The following ZEB2 variants were observed in gnomAD, a reference collection of about 807,000 sequenced individuals.
ZEB2 encodes the protein zinc finger E-box-binding homeobox 2.
A neutral mutation model predicts 99.9 loss-of-function variants in ZEB2; 6 were observed. The ratio of observed to expected loss-of-function variants is 0.06; its 90% CI spans 0.03 to 0.12. The LOEUF (loss-of-function observed/expected upper bound fraction) is 0.12. Ranked by LOEUF, ZEB2 falls within the 10% of genes least tolerant of loss-of-function variation. ZEB2 has a pLI of 1.00. For synonymous variants in ZEB2, 517 were observed against 542.5 expected (o/e 0.95, Z 0.65); for missense variants, 969 against 1,502.8 (o/e 0.64, Z 5.87).
At chr2:144,405,837 T>C (rs1275286084) in intron 4 of ZEB2, among the ~76,000 whole-genome samples, 1 of 152,252 alleles carries the variant, frequency 6.6e-6, no homozygotes, top group Non-Finnish European at 1.5e-5. Flanking sequence ...AACTCAATTT[T>C]AGCAACTTGT....
At chr2:144,453,737 G>A (rs1443502833) in intron 2 of ZEB2, among the ~76,000 whole-genome samples, 3 of 152,146 alleles carry the variant, frequency 2.0e-5, no homozygotes, top group Non-Finnish European at 2.9e-5. Flanking sequence ...AGGAGGAAGG[G>A]CAATCAGTGT....
At chr2:144,447,015 C>CAA (rs200426124) in intron 2 of ZEB2, among the ~76,000 whole-genome samples, 72 of 74,496 alleles carry the variant, frequency 9.7e-4, no homozygotes, top group African/African-American at 2.0e-3. Context: ...GACACTGTTT[C>CAA]AAAAAAAAAA....
chr2:144,452,110 TG>T (rs982411364), intron 2 of ZEB2, among the ~76,000 whole-genome samples: 1 of 152,180 alleles, frequency 6.6e-6, no homozygotes, highest in African/African-American at 2.4e-5. Context: ...GTATCTTTGC[TG>T]ACTAAAGCCT....
chr2:144,448,828 G>C (rs1704019367), intron 2 of ZEB2: 1 of 152,324 alleles, frequency 6.6e-6, no homozygotes, highest in South Asian at 2.1e-4. Context: ...CTCGCAGGCA[G>C]TGGCAATGCC....
intron 4 of ZEB2, among the ~76,000 whole-genome samples, chr2:144,414,900 T>C (rs1022658714): frequency 6.6e-6 from 1 of 151,956 alleles, no homozygotes; most frequent in Non-Finnish European, 1.5e-5. Flanking sequence ...TATTACACCA[T>C]ACAATGAATA....
intron 4 of ZEB2, among the ~76,000 whole-genome samples, chr2:144,418,873 A>T (rs1032617756): frequency 9.9e-5 from 15 of 152,168 alleles, no homozygotes; most frequent in African/African-American, 3.6e-4. Flanking sequence ...GGCACGGTGT[A>T]CACTGCTTGG....
chr2:144,505,087 C>A (rs748470878), intron 2 of ZEB2, among the ~76,000 whole-genome samples: 2 of 150,538 alleles, frequency 1.3e-5, no homozygotes, highest in African/African-American at 2.5e-5. Context: ...GGGGAAAAAA[C>A]GCACACACAA....
At chr2:144,437,478 C>T (rs980294649) in intron 2 of ZEB2, among the ~76,000 whole-genome samples, 17 of 152,186 alleles carry the variant, frequency 1.1e-4, no homozygotes, top group African/African-American at 3.9e-4. Flanking sequence ...GATCATTCAA[C>T]AACTTGCTCT....
intron 2 of ZEB2, among the ~76,000 whole-genome samples, chr2:144,501,608 C>G (rs1371325819): frequency 6.6e-6 from 1 of 151,946 alleles, no homozygotes; most frequent in African/African-American, 2.4e-5. Flanking sequence ...CAGTTAATAC[C>G]AAGATAGGGG....
intron 2 of ZEB2, among the ~76,000 whole-genome samples, chr2:144,435,141 C>T (rs190179427): frequency 6.6e-6 from 1 of 152,064 alleles, no homozygotes; most frequent in South Asian, 2.1e-4. Context: ...TGAACTTGTG[C>T]CAGTCACAAT....
intron 4 of ZEB2, among the ~76,000 whole-genome samples, chr2:144,405,843 C>G (rs750047395): frequency 5.3e-5 from 8 of 152,260 alleles, no homozygotes; most frequent in Non-Finnish European, 1.0e-4. Context: ...ATTTTAGCAA[C>G]TTGTGTCATA....
At chr2:144,512,222 C>T in intron 2 of ZEB2, 1 of 1,287,208 alleles carries the variant, frequency 7.8e-7, no homozygotes, top group Non-Finnish European at 1.0e-6. Flanking sequence ...TAGTGTCTAC[C>T]TTGGGAAGCC....
In ZEB2 at chr2:144,387,981, ACT is replaced by A. The variant is rs745421150; in HGVS notation, c.*1468_*1469del. The A allele has an allele frequency of 7.2e-5, 11 of 152,542 alleles. No individual in the cohort carries two copies. The highest frequency in any genetic ancestry group is 2.4e-4 in the African/African-American group (10 of 41,504). 9.4% of individuals were successfully genotyped at this position (152,542 alleles called of 1,614,324 possible). ...ACATGTTAATGGTCATTGAAGGAAAACTCTCTAAAAGTACAGAACTCATTAAC... is the reference window on the plus strand; with the variant it reads ...ACATGTTAATGGTCATTGAAGGAAAACTCTAAAAGTACAGAACTCATTAAC... On this transcript the variant is annotated 3_prime_UTR_variant, in exon 10 of 10. Coordinates refer to ENST00000627532, the MANE Select transcript of ZEB2 (RefSeq NM_014795.4).
At chr2:144,394,365 C>T (rs1287914023) in intron 9 of ZEB2, 3 of 152,008 alleles carry the variant, frequency 2.0e-5, no homozygotes, top group African/African-American at 7.2e-5. Flanking sequence ...TATGACAGCC[C>T]TCACTAAAAT....
intron 4 of ZEB2, among the ~76,000 whole-genome samples, chr2:144,416,184 C>A (rs1703537643): frequency 1.3e-5 from 2 of 152,108 alleles, no homozygotes; most frequent in African/African-American, 4.8e-5. Flanking sequence ...GACAATCAGG[C>A]CCTGAAAAGT....
At chr2:144,419,586 A>C (rs899214756) in intron 4 of ZEB2, among the ~76,000 whole-genome samples, 1 of 152,224 alleles carries the variant, frequency 6.6e-6, no homozygotes, top group Non-Finnish European at 1.5e-5. Flanking sequence ...ACTAGCACGT[A>C]GGCAAACTCA....
chr2:144,387,532 G>A lies in ZEB2; in HGVS notation c.*1919C>T, dbSNP rs1035080775. The A allele has an allele frequency of 1.3e-5, 2 of 152,118 alleles. No homozygotes were observed. The highest frequency in any genetic ancestry group is 2.9e-5 in the Non-Finnish European group (2 of 68,004). 9.4% of individuals were successfully genotyped at this position (152,118 alleles called of 1,614,324 possible). A position where few individuals can be genotyped will look rare whatever the true frequency, so the allele number is the denominator to read the frequency against. ...TTTCCTCTCCCACCCACGCCTTCTA[G>A]TTTCAGATAAACGGTAAACTACTGT... On this transcript the variant is annotated 3_prime_UTR_variant, in exon 10 of 10. Transcript: ENST00000627532.
chr2:144,457,227 C>T (rs541360213), intron 2 of ZEB2, among the ~76,000 whole-genome samples: 46 of 152,210 alleles, frequency 3.0e-4, no homozygotes, highest in Non-Finnish European at 5.3e-4. Context: ...AGACATTTTT[C>T]CACTTGCTCC....
chr2:144,398,016 T>C, intron 8 of ZEB2: 1 of 376,368 alleles, frequency 2.7e-6, no homozygotes, highest in Non-Finnish European at 5.1e-6. Flanking sequence ...CCAAATATTT[T>C]CACCAAAGTT....
Sources: allele counts gnomAD v4.1 joint callset (sites outside exome capture counted in the v4.1 genomes callset), GRCh38; gene constraint gnomAD v4.1.1; transcripts MANE v1.5; gene names NCBI Gene and HGNC (gene_info 2026-07-23, HGNC 2026-07-21).